E2F3: variants seen among roughly 807,000 people sequenced by gnomAD.
E2F3 encodes transcription factor E2F3.
In E2F3, 11 loss-of-function variants were observed where a neutral mutation model predicts 44.4. That is an observed-to-expected ratio of 0.25 (90% confidence interval 0.16 to 0.41). The LOEUF is 0.41. Among genes scored for constraint, E2F3 ranks in the 10% least tolerant of loss-of-function variants. The pLI, the probability that E2F3 is intolerant of heterozygous loss-of-function variation, is 1.00. For missense variants in E2F3, 487 were observed against 583.6 expected (o/e 0.83, Z 1.70); for synonymous variants, 249 against 253.0 (o/e 0.98, Z 0.15).
chr6:20,438,156 A>G (rs1760654445), intron 1 of E2F3, among the ~76,000 whole-genome samples: 1 of 152,234 alleles, frequency 6.6e-6, no homozygotes, highest in Non-Finnish European at 1.5e-5. Context: ...TTCTTAATCC[A>G]TGAAATGGGA....
chr6:20,479,984 A>G (rs1395997725), intron 2 of E2F3, 27 bp downstream of exon 2: 1 of 1,576,838 alleles, frequency 6.3e-7, no homozygotes, highest in Non-Finnish European at 8.6e-7. Flanking sequence ...CTCTTTCCTT[A>G]TTCTCCTTGG....
At chr6:20,483,664 C>T (rs573025087) in intron 4 of E2F3, among the ~76,000 whole-genome samples, 10 of 152,338 alleles carry the variant, frequency 6.6e-5, no homozygotes, top group African/African-American at 2.2e-4. Context: ...CATCTCACTA[C>T]AGACAAAGTA....
Position 20,425,020 on chromosome 6 carries a change from G to C in E2F3, c.393+22395G>C, listed in dbSNP as rs569644873. Among the ~76,000 whole-genome samples the C allele has an allele frequency of 7.7e-4, 117 of 152,300 alleles. 1 individual carries two copies. The highest frequency in any genetic ancestry group is 9.9e-4 in the Non-Finnish European group (67 of 68,000). On this transcript the variant is annotated intron_variant, in intron 1 of 6. Coordinates refer to ENST00000346618, the MANE Select transcript of E2F3 (RefSeq NM_001949.5). ...GTTATCAGGTGTTTCTCCATGTCCT[G>C]CAGGGCGGTCAGTGGCTTTTACAGA...
chr6:20,489,667 T>G (rs1762500414), intron 6 of E2F3, among the ~76,000 whole-genome samples: 1 of 152,012 alleles, frequency 6.6e-6, no homozygotes, highest in Non-Finnish European at 1.5e-5. Context: ...GAAAAATGAG[T>G]GAGTAGACTA....
chr6:20,447,912 C>T (rs1334098438), intron 1 of E2F3, among the ~76,000 whole-genome samples: 1 of 152,080 alleles, frequency 6.6e-6, no homozygotes, highest in Non-Finnish European at 1.5e-5. Context: ...AAGTGGAGGC[C>T]CAGAGAGGGC....
At chr6:20,488,666 A>G (rs1322842) in intron 6 of E2F3, among the ~76,000 whole-genome samples, 94,783 of 151,884 alleles carry the variant, frequency 0.62, 29,663 homozygotes, top group Middle Eastern at 0.87. Flanking sequence ...TTCCCCCCCA[A>G]TGAGATGGGG....
chr6:20,402,667 G>C lies in E2F3; in HGVS notation c.393+42G>C. The C allele has an allele frequency of 7.7e-7, 1 of 1,305,978 alleles. No homozygotes were observed. 80.9% of individuals were successfully genotyped at this position (1,305,978 alleles called of 1,614,324 possible). A position where few individuals can be genotyped will look rare whatever the true frequency, so the allele number is the denominator to read the frequency against. ...CCACCGTCCCCAGCCCCGGCGGGAG[G>C]TGGGCTCGCACCGCGCGGGGTCGTG... On this transcript the variant is annotated intron_variant, in intron 1 of 6. Transcript: ENST00000346618. The surrounding 1 kb of genome is among the most constrained non-coding windows in gnomAD (Gnocchi z 5.6).
chr6:20,429,556 G>A (rs1760327696), intron 1 of E2F3, among the ~76,000 whole-genome samples: 1 of 152,176 alleles, frequency 6.6e-6, no homozygotes, highest in Non-Finnish European at 1.5e-5. Flanking sequence ...TATCCTCGGA[G>A]GATGAGGAGA....
Position 20,481,434 on chromosome 6 carries a change from G to A in E2F3, c.725+9G>A, listed in dbSNP as rs762217609. The A allele has an allele frequency of 6.2e-7, 1 of 1,613,600 alleles. No homozygotes were observed. ...AACAACGTCCAATGGATGTGAGTAGGAGTCCTCCCCATGCCCCGGCTCTGA... is the reference window on the plus strand; with the variant it reads ...AACAACGTCCAATGGATGTGAGTAGAAGTCCTCCCCATGCCCCGGCTCTGA... On this transcript the variant is annotated intron_variant, in intron 3 of 6. Transcript: ENST00000346618.
chr6:20,432,649 G>C (rs1760446387), intron 1 of E2F3, among the ~76,000 whole-genome samples: 1 of 152,220 alleles, frequency 6.6e-6, no homozygotes, highest in African/African-American at 2.4e-5. Context: ...TTGAGAGATG[G>C]ATGTGGTCTG....
intron 6 of E2F3, among the ~76,000 whole-genome samples, chr6:20,489,195 C>T (rs1019786685): frequency 1.2e-4 from 19 of 152,178 alleles, no homozygotes; most frequent in Admixed American, 3.3e-4. Flanking sequence ...AGCAAAAGTA[C>T]ATCACCTGAA....
intron 1 of E2F3, among the ~76,000 whole-genome samples, chr6:20,420,334 G>A (rs1174072826): frequency 6.6e-6 from 1 of 152,166 alleles, no homozygotes; most frequent in Non-Finnish European, 1.5e-5. Context: ...ATTTCTGTGA[G>A]TAGCCTCTTT....
At chr6:20,429,799 G>C (rs1293309983) in intron 1 of E2F3, among the ~76,000 whole-genome samples, 1 of 151,756 alleles carries the variant, frequency 6.6e-6, no homozygotes, top group Non-Finnish European at 1.5e-5. Context: ...CAAATAAAAT[G>C]TGTGCTTACT....
At chr6:20,425,637 C>T (rs1377976447) in intron 1 of E2F3, among the ~76,000 whole-genome samples, 1 of 152,136 alleles carries the variant, frequency 6.6e-6, no homozygotes, top group Non-Finnish European at 1.5e-5. Flanking sequence ...GATCTGCCCG[C>T]CCGCCCCGCC....
chr6:20,431,329 A>G (rs971024603), intron 1 of E2F3, among the ~76,000 whole-genome samples: 2 of 152,180 alleles, frequency 1.3e-5, no homozygotes, highest in Non-Finnish European at 2.9e-5. Context: ...AGCTGCATCA[A>G]CGGTGATCTG....
intron 1 of E2F3, among the ~76,000 whole-genome samples, chr6:20,472,458 A>G (rs951952821): frequency 6.6e-6 from 1 of 152,002 alleles, no homozygotes; most frequent in Non-Finnish European, 1.5e-5. Context: ...AGGCTGAGGT[A>G]GGAGGGTCAT....
chr6:20,472,025 A>ACACACAC (rs1554140446), intron 1 of E2F3, among the ~76,000 whole-genome samples: 13 of 138,352 alleles, frequency 9.4e-5, no homozygotes, highest in South Asian at 4.9e-4. Context: ...CCCCCCCTCC[A>ACACACAC]ACACACACAC....
intron 3 of E2F3, 146 bp from the exon 4 acceptor site, chr6:20,482,616 A>G (rs1762268164): frequency 6.7e-6 from 2 of 300,460 alleles, no homozygotes; most frequent in Non-Finnish European, 1.2e-5. Flanking sequence ...ATATATATAT[A>G]TATATGTGTA....
intron 1 of E2F3, among the ~76,000 whole-genome samples, chr6:20,420,681 C>T (rs1422445029): frequency 6.6e-6 from 1 of 152,184 alleles, no homozygotes; most frequent in Admixed American, 6.5e-5. Flanking sequence ...CTACAAAATG[C>T]CAACAATCCC....
Sources: gnomAD v4.1 joint callset for allele counts (sites outside exome capture counted in the v4.1 genomes callset) on GRCh38, gnomAD v4.1.1 for gene constraint, Gnocchi (gnomAD v3.1) non-coding constraint, MANE v1.5 for transcripts, NCBI Gene and HGNC (gene_info 2026-07-23, HGNC 2026-07-21) for gene names.